Variants in SLC39A14 observed in about 807,000 individuals in gnomAD.
SLC39A14 encodes the protein solute carrier family 39 member 14.
In SLC39A14, 19 loss-of-function variants were observed where a neutral mutation model predicts 45.5. That is an observed-to-expected ratio of 0.42 (90% CI 0.29 to 0.61). The LOEUF is 0.61. SLC39A14 is among the 20% of genes least tolerant of loss of function. The pLI, the probability that SLC39A14 is intolerant of heterozygous loss-of-function variation, is 0.22. For synonymous variants in SLC39A14, 264 were observed against 251.3 expected, an observed-to-expected ratio of 1.05 and a Z score of -0.48; for missense variants, 447 against 616.5, an observed-to-expected ratio of 0.73 and a Z score of 2.91.
intron 1 of SLC39A14, among the ~76,000 whole-genome samples, chr8:22,372,226 T>A (rs1247684843): frequency 2.6e-5 from 4 of 152,172 alleles, no homozygotes; most frequent in Non-Finnish European, 4.4e-5. Context: ...ATTAAATTTT[T>A]TTTTCCTACT....
chr8:22,401,539 CTTTCTTTTTTTTT>C (rs1456887817), intron 1 of SLC39A14, among the ~76,000 whole-genome samples: 2 of 115,716 alleles, frequency 1.7e-5, no homozygotes, highest in African/African-American at 6.8e-5. Context: ...TTTCTCTTCT[CTTTCTTTTTTTTT>C]TTTTTTTTTT....
At chr8:22,368,930 A>C (rs1832790232) in intron 1 of SLC39A14, among the ~76,000 whole-genome samples, 3 of 152,148 alleles carry the variant, frequency 2.0e-5, no homozygotes, top group South Asian at 4.1e-4. Flanking sequence ...AGCTCCTGAA[A>C]AGCGAAGTCC....
At chr8:22,393,233 G>A in intron 1 of SLC39A14, 3 of 985,884 alleles carry the variant, frequency 3.0e-6, no homozygotes, top group Non-Finnish European at 3.6e-6. Context: ...TCCTTTCAGG[G>A]TATGGAGGAG....
rs369337701 is a variant in SLC39A14, at chr8:22,398,630, A to G, written c.-15-6066A>G. 33 of 757,816 alleles carry G rather than the reference A, an allele frequency of 4.4e-5. No individual in the cohort carries two copies. In the East Asian group the frequency reaches 9.0e-4, roughly 21 times the overall value. 46.9% of individuals were successfully genotyped at this position (757,816 alleles called of 1,614,324 possible). A position where few individuals can be genotyped will look rare whatever the true frequency, so the allele number is the denominator to read the frequency against. ...GTTTCTGTTGCCTGTTCTCATATCTATGCCCAACCTCTAGACCCAGCGTCA... is the reference window on the plus strand; with the variant it reads ...GTTTCTGTTGCCTGTTCTCATATCTGTGCCCAACCTCTAGACCCAGCGTCA... On this transcript the variant is annotated intron_variant, in intron 1 of 8. Transcript: ENST00000381237.
chr8:22,416,398 T>A, intron 7 of SLC39A14, 118 bp downstream of exon 7: 3 of 827,744 alleles, frequency 3.6e-6, no homozygotes, highest in Non-Finnish European at 5.8e-6. Context: ...GTAACTGATT[T>A]AACACACTCC....
downstream of SLC39A14, among the ~76,000 whole-genome samples, chr8:22,425,167 C>T (rs187310029): frequency 9.9e-5 from 15 of 152,016 alleles, no homozygotes; most frequent in South Asian, 2.1e-4. Context: ...CTTTATTACT[C>T]GGTCCACCTT....
intron 1 of SLC39A14, among the ~76,000 whole-genome samples, chr8:22,373,993 A>G (rs1310371293): frequency 6.6e-6 from 1 of 152,154 alleles, no homozygotes; most frequent in African/African-American, 2.4e-5. Context: ...CTCGAGCTCA[A>G]GTGATCCACC....
chr8:22,412,444 CCT>C (rs1835628933), intron 4 of SLC39A14, among the ~76,000 whole-genome samples: 1 of 152,218 alleles, frequency 6.6e-6, no homozygotes, highest in African/African-American at 2.4e-5. Flanking sequence ...CCTCACACTG[CCT>C]CTGTTTCTTC....
At position 22,412,058 on chromosome 8, in the gene SLC39A14, G is replaced by T. The variant is rs1835601798; in HGVS notation, c.479G>T (p.Cys160Phe). The change falls in exon 4 of 9, where the codon TGT becomes TTT. Residue 160 changes from cysteine to phenylalanine, a missense_variant. By Grantham distance (205) the Cys-to-Phe change is radical (BLOSUM62 -2). This residue lies in a region of SLC39A14 where 342 missense variants were observed against 428.1 expected (regional missense o/e 0.80). Transcript: ENST00000381237. ...AVEVWGYGLLCVTVISLCSLL... is the reference protein window; with the variant it reads ...AVEVWGYGLLFVTVISLCSLL... ...GCAGTGTGGGGATACGGTCTCCTCT[G>T]TGTGACCGTCATCTCCCTCTGCTCC... The T allele has an allele frequency of 6.4e-7, 1 of 1,551,416 alleles. No individual in the cohort carries two copies. Among genetic ancestry groups the T allele is most frequent in the East Asian group, 2.4e-5 (1 of 40,904 alleles).
intron 1 of SLC39A14, among the ~76,000 whole-genome samples, chr8:22,402,693 C>T (rs1481786993): frequency 6.7e-6 from 1 of 150,230 alleles, no homozygotes; most frequent in African/African-American, 2.4e-5. Context: ...TGCTTGAACC[C>T]AGGAGGTGGA....
intron 3 of SLC39A14, 55 bp downstream of exon 3, chr8:22,408,551 A>G (rs1835367427): frequency 1.3e-6 from 2 of 1,521,170 alleles, no homozygotes; most frequent in South Asian, 1.2e-5. Context: ...GCGTCTCACA[A>G]GGACCCCTGG....
intron 1 of SLC39A14, among the ~76,000 whole-genome samples, chr8:22,376,696 G>A (rs1452091827): frequency 6.6e-6 from 1 of 152,028 alleles, no homozygotes; most frequent in Non-Finnish European, 1.5e-5. Flanking sequence ...TAGCCAACAT[G>A]GTGAAACCCC....
chr8:22,390,309 CT>C (rs56804582), intron 1 of SLC39A14: 216 of 143,898 alleles, frequency 1.5e-3, no homozygotes, highest in Admixed American at 1.9e-3. Flanking sequence ...CTAGAGCATA[CT>C]TTTTTTTTTT....
intron 1 of SLC39A14, among the ~76,000 whole-genome samples, chr8:22,393,677 T>C (rs1834207965): frequency 6.6e-6 from 1 of 152,154 alleles, no homozygotes; most frequent in African/African-American, 2.4e-5. Context: ...TTATGTTATT[T>C]TGATGATTTT....
chr8:22,368,529 T>TTATTG (rs1196096631), intron 1 of SLC39A14, among the ~76,000 whole-genome samples: 5 of 32,950 alleles, frequency 1.5e-4, no homozygotes, highest in African/African-American at 4.5e-4. Context: ...TTATTTTATT[T>TTATTG]TATTTTATTG....
intron 1 of SLC39A14, among the ~76,000 whole-genome samples, chr8:22,403,735 T>C (rs767696222): frequency 6.7e-6 from 1 of 150,170 alleles, no homozygotes; most frequent in Non-Finnish European, 1.5e-5. Context: ...CGGGCAAATA[T>C]GGTGAAACCC....
chr8:22,400,975 A>G (rs759145786), intron 1 of SLC39A14, among the ~76,000 whole-genome samples: 1 of 152,260 alleles, frequency 6.6e-6, no homozygotes, highest in African/African-American at 2.4e-5. Context: ...GGGCCTTGCC[A>G]TATCTTATGC....
chr8:22,421,344 A>G lies in SLC39A14; in HGVS notation c.*1646A>G, dbSNP rs1836217723. 1.0e-6 allele frequency: 1 copy of G among 985,754 alleles called. No homozygotes were observed. The highest frequency in any genetic ancestry group is 1.2e-6 in the Non-Finnish European group (1 of 829,944). 61.1% of individuals were successfully genotyped at this position (985,754 alleles called of 1,614,324 possible). A position where few individuals can be genotyped will look rare whatever the true frequency, so the allele number is the denominator to read the frequency against. The stretch of plus-strand genomic sequence containing the variant: ...ATCTGTCAAACCAGGAATATTCTTG[A>G]AAAGAACGTGAGCAGGAAAAACTGC... On this transcript the variant is annotated 3_prime_UTR_variant, in exon 9 of 9. Coordinates refer to ENST00000381237, the MANE Select transcript of SLC39A14 (RefSeq NM_001128431.4).
rs377367633 is a variant in SLC39A14, at chr8:22,416,130, A to G, written c.997A>G (p.Ile333Val). ...YWLKGVRYSD[I>V]GTLAWMITLS... ...GCTGAAAGGTGTCCGCTACTCTGAT[A>G]TCGGCACTCTGGCCTGGATGATCAC... The change falls in exon 7 of 9, where the codon ATC (isoleucine) becomes GTC (valine). Residue 333 changes from isoleucine to valine, a missense_variant. Ile to Val is a conservative substitution (Grantham distance 29, BLOSUM62 3). Around this residue, in one of 2 missense-constraint regions of SLC39A14, gnomAD observed 342 missense variants for 428.1 expected, o/e 0.80. Coordinates refer to ENST00000381237, the MANE Select transcript of SLC39A14 (RefSeq NM_001128431.4). The G allele has an allele frequency of 1.9e-6, 3 of 1,613,994 alleles. No homozygotes were observed. Among genetic ancestry groups the G allele is most frequent in the East Asian group, 2.2e-5 (1 of 44,886 alleles).
Sources: gnomAD v4.1 joint callset for allele counts (sites outside exome capture counted in the v4.1 genomes callset) on GRCh38, gnomAD v4.1.1 for gene constraint, gnomAD v4.1.1 regional missense constraint, MANE v1.5 for transcripts, NCBI Gene and HGNC (gene_info 2026-07-23, HGNC 2026-07-21) for gene names.